Variants in KIF16B observed in about 807,000 individuals in gnomAD.
The protein encoded by KIF16B is kinesin-like protein KIF16B.
In KIF16B, 98 loss-of-function variants were observed where a neutral mutation model predicts 156.3. That is an observed-to-expected ratio of 0.63 (90% CI 0.53 to 0.74). KIF16B has a LOEUF of 0.74. Ranked by LOEUF, KIF16B falls within the 30% of genes least tolerant of loss-of-function variation. KIF16B has a pLI of 0.00. For missense variants in KIF16B, 1,421 were observed against 1,606.5 expected, an observed-to-expected ratio of 0.88 and a Z score of 1.97; for synonymous variants, 564 against 583.7, an observed-to-expected ratio of 0.97 and a Z score of 0.49.
intron 17 of KIF16B, among the ~76,000 whole-genome samples, chr20:16,404,457 C>T (rs187672537): frequency 8.5e-5 from 13 of 152,238 alleles, no homozygotes; most frequent in African/African-American, 3.1e-4. Context: ...ATTTATAAAA[C>T]GAGATAAAAG....
At chr20:16,474,349 T>C (rs151185787) in intron 12 of KIF16B, among the ~76,000 whole-genome samples, 124 of 152,312 alleles carry the variant, frequency 8.1e-4, no homozygotes, top group African/African-American at 2.7e-3. Context: ...AATTTGTACA[T>C]TGCAGGATTT....
chr20:16,565,546 C>T (rs573405308), intron 1 of KIF16B, among the ~76,000 whole-genome samples: 16 of 152,302 alleles, frequency 1.1e-4, no homozygotes, highest in South Asian at 2.1e-4. Context: ...CCCAGTCACT[C>T]GGCTAGCCCA....
intron 4 of KIF16B, 23 bp downstream of exon 4, chr20:16,515,525 C>T: frequency 8.0e-7 from 1 of 1,250,924 alleles, no homozygotes; most frequent in Non-Finnish European, 1.2e-6. Flanking sequence ...AAATTTCCTT[C>T]CCACACAGTA....
intron 23 of KIF16B, among the ~76,000 whole-genome samples, chr20:16,349,583 A>G (rs2064295980): frequency 6.6e-6 from 1 of 152,198 alleles, no homozygotes; most frequent in Admixed American, 6.5e-5. Context: ...CCAAGTTTTA[A>G]ATACTGACAA....
intron 12 of KIF16B, among the ~76,000 whole-genome samples, chr20:16,454,119 A>C (rs2067153588): frequency 2.6e-5 from 4 of 152,168 alleles, no homozygotes; most frequent in Admixed American, 2.6e-4. Flanking sequence ...AAAAAAGGAA[A>C]ATCTCTAAGA....
rs977546334 is a variant in KIF16B at position 16,559,663 on chromosome 20, G to A, written c.47+13566C>T. Among the ~76,000 whole-genome samples the A allele has an allele frequency of 1.3e-4, 20 of 151,892 alleles. 1 individual carries two copies. Among genetic ancestry groups the A allele is most frequent in the African/African-American group, 3.9e-4 (16 of 41,342 alleles). ...TGTGGTGGTGCATGATTGTAGTCCC[G>A]GCTCCTCAGGAGGCTGAGGCAGGAG... On this transcript the variant is annotated intron_variant, in intron 1 of 25. Coordinates refer to ENST00000354981, the MANE Select transcript of KIF16B (RefSeq NM_024704.5).
At chr20:16,523,525 A>G (rs1232251382) in intron 3 of KIF16B, among the ~76,000 whole-genome samples, 1 of 152,204 alleles carries the variant, frequency 6.6e-6, no homozygotes, top group Non-Finnish European at 1.5e-5. Context: ...CTGCTCAAAG[A>G]AATAAGAGAG....
At chr20:16,457,601 T>C (rs1198427095) in intron 12 of KIF16B, among the ~76,000 whole-genome samples, 4 of 152,172 alleles carry the variant, frequency 2.6e-5, no homozygotes, top group African/African-American at 9.7e-5. Flanking sequence ...TAAGCCATCA[T>C]CAACAGCTGA....
chr20:16,381,773 C>A, intron 17 of KIF16B, 26 bp from the exon 18 acceptor site: 1 of 1,586,710 alleles, frequency 6.3e-7, no homozygotes. Context: ...GAAAATGAGT[C>A]ACTTTTCTAA....
At chr20:16,344,056 A>C (rs1023003995) in intron 23 of KIF16B, among the ~76,000 whole-genome samples, 1 of 152,226 alleles carries the variant, frequency 6.6e-6, no homozygotes, top group Non-Finnish European at 1.5e-5. Flanking sequence ...AGATGCATGC[A>C]GGAAGACCTC....
At chr20:16,446,725 T>C (rs1284287759) in intron 12 of KIF16B, among the ~76,000 whole-genome samples, 1 of 152,166 alleles carries the variant, frequency 6.6e-6, no homozygotes, top group African/African-American at 2.4e-5. Context: ...ACAGGGAAAA[T>C]GCTGATCTAA....
chr20:16,430,077 T>A, intron 12 of KIF16B, 95 bp from the exon 13 acceptor site: 1 of 1,283,366 alleles, frequency 7.8e-7, no homozygotes, highest in Non-Finnish European at 1.1e-6. Flanking sequence ...GGCAATATTT[T>A]ATTTCTCATC....
At position 16,404,979 on chromosome 20, in the gene KIF16B, A is replaced by G. The variant is rs1019269292; in HGVS notation, c.1696-78T>C. Reference sequence around the variant, plus strand: ...CTGCTCTGGACTCATTGCTTCCAACATGTGAGAGACAATGAGGTGCACATG... The same window carrying G: ...CTGCTCTGGACTCATTGCTTCCAACGTGTGAGAGACAATGAGGTGCACATG... On this transcript the variant is annotated intron_variant, in intron 16 of 25. Transcript: ENST00000354981. The G allele has an allele frequency of 1.3e-4, 129 of 977,228 alleles. 2 individuals carry two copies. Among genetic ancestry groups the G allele is most frequent in the Admixed American group, 6.4e-4 (33 of 51,802 alleles). The allele number at this position is 977,228 out of a possible 1,614,324, so 60.5% of individuals were successfully genotyped here.
At chr20:16,564,404 T>C (rs2071176486) in intron 1 of KIF16B, among the ~76,000 whole-genome samples, 1 of 152,002 alleles carries the variant, frequency 6.6e-6, no homozygotes. Flanking sequence ...TACGTGTGCA[T>C]CGCAAGGACA....
chr20:16,311,747 C>A (rs985791386), intron 25 of KIF16B, among the ~76,000 whole-genome samples: 1 of 152,114 alleles, frequency 6.6e-6, no homozygotes, highest in Non-Finnish European at 1.5e-5. Flanking sequence ...ACCAAATAAG[C>A]AACTATATCC....
chr20:16,366,751 G>T, intron 22 of KIF16B: 1 of 784,982 alleles, frequency 1.3e-6, no homozygotes, highest in Non-Finnish European at 1.6e-6. Flanking sequence ...TGCTAGACTG[G>T]GCACTTTTTC....
chr20:16,520,786 G>A (rs1018517051), intron 3 of KIF16B, among the ~76,000 whole-genome samples: 2 of 152,148 alleles, frequency 1.3e-5, no homozygotes, highest in East Asian at 3.9e-4. Context: ...AGAGCTCCGG[G>A]TGGCATCTGG....
At chr20:16,345,533 A>G (rs1394364088) in intron 23 of KIF16B, among the ~76,000 whole-genome samples, 3 of 152,374 alleles carry the variant, frequency 2.0e-5, no homozygotes, top group African/African-American at 7.2e-5. Flanking sequence ...GTAAGAGGGC[A>G]AATTGTAAAA....
chr20:16,446,197 C>T (rs1319211649), intron 12 of KIF16B, among the ~76,000 whole-genome samples: 1 of 152,158 alleles, frequency 6.6e-6, no homozygotes, highest in Non-Finnish European at 1.5e-5. Context: ...ATCAAGAAAG[C>T]TAAAAGTTCA....
Sources: gnomAD v4.1 joint callset for allele counts (sites outside exome capture counted in the v4.1 genomes callset) on GRCh38, gnomAD v4.1.1 for gene constraint, MANE v1.5 for transcripts, NCBI Gene and HGNC (gene_info 2026-07-23, HGNC 2026-07-21) for gene names.